The following PUM2 variants were observed in gnomAD, a reference collection of about 807,000 sequenced individuals.
PUM2 encodes the protein pumilio RNA binding family member 2, also known as pumilio homolog 2.
A neutral mutation model predicts 124.5 loss-of-function variants in PUM2; 57 were observed. The ratio of observed to expected loss-of-function variants is 0.46; its 90% CI spans 0.37 to 0.57. The LOEUF (loss-of-function observed/expected upper bound fraction) is 0.57, where lower values mean the gene tolerates loss of function less well. PUM2 is among the 20% of genes least tolerant of loss of function. The pLI is 0.00. For missense variants in PUM2, 1,065 were observed against 1,290.6 expected, an observed-to-expected ratio of 0.83 and a Z score of 2.68; for synonymous variants, 460 against 446.1, an observed-to-expected ratio of 1.03 and a Z score of -0.39.
chr2:20,318,797 G>C, intron 2 of PUM2, 152 bp from the exon 3 acceptor site: 1 of 517,354 alleles, frequency 1.9e-6, no homozygotes, highest in Non-Finnish European at 3.3e-6. Context: ...TTTGTTAATA[G>C]TAAATTAACT....
At chr2:20,259,267 T>G (rs913868898) in intron 15 of PUM2, among the ~76,000 whole-genome samples, 1 of 152,250 alleles carries the variant, frequency 6.6e-6, no homozygotes, top group Admixed American at 6.5e-5. Flanking sequence ...AAGTGGTTCA[T>G]GTTAAAATTT....
At chr2:20,253,570 C>G (rs1160656471) in intron 20 of PUM2, among the ~76,000 whole-genome samples, 1 of 151,082 alleles carries the variant, frequency 6.6e-6, no homozygotes, top group Non-Finnish European at 1.5e-5. Context: ...GTCTCAAACT[C>G]CTGGGCTCAA....
chr2:20,259,084 A>G (rs1485644267), intron 15 of PUM2, among the ~76,000 whole-genome samples: 1 of 152,266 alleles, frequency 6.6e-6, no homozygotes, highest in African/African-American at 2.4e-5. Flanking sequence ...TGTTAAAGTC[A>G]TTAAGCTACA....
chr2:20,340,995 C>A (rs1032122641), intron 1 of PUM2, among the ~76,000 whole-genome samples: 1 of 152,170 alleles, frequency 6.6e-6, no homozygotes, highest in African/African-American at 2.4e-5. Flanking sequence ...TCAAACTGAA[C>A]TTTTTGTTTA....
At chr2:20,347,081 T>C (rs1437568496) in intron 1 of PUM2, among the ~76,000 whole-genome samples, 1 of 152,170 alleles carries the variant, frequency 6.6e-6, no homozygotes, top group Non-Finnish European at 1.5e-5. Flanking sequence ...CTAAAATCTT[T>C]TATTCCTCCA....
rs751811982 is a variant in PUM2 at position 20,263,337 on chromosome 2, C to T, written c.2081G>A (p.Arg694Gln). ...AATATCAGACCTATTATACCGAAGC[C>T]GGGAAGGAGGAAAGAGCTGGCTGCT... ...SSSSQLFPPS[R>Q]LRYNRSDIMP... The change falls in exon 14 of 21, where the codon CGG becomes CAG. Residue 694 changes from arginine (R) to glutamine (Q), a missense_variant. Arg to Gln is a conservative substitution (Grantham distance 43). This residue lies in a region of PUM2 where 968 missense variants were observed against 1,159.8 expected (regional missense o/e 0.83). Transcript: ENST00000361078. The T allele has an allele frequency of 3.7e-6, 6 of 1,614,090 alleles. No homozygotes were observed. Among genetic ancestry groups the T allele is most frequent in the Middle Eastern group, 1.6e-4 (1 of 6,062 alleles).
At chr2:20,350,900 G>A, upstream of PUM2, 2 of 558,904 alleles carry the variant, frequency 3.6e-6, no homozygotes, top group Non-Finnish European at 4.5e-6. Context: ...GAGGGGGAGC[G>A]CTCACCAAGG....
intron 3 of PUM2, among the ~76,000 whole-genome samples, chr2:20,318,161 T>C (rs1489303213): frequency 3.3e-5 from 5 of 152,196 alleles, no homozygotes; most frequent in African/African-American, 4.8e-5. Context: ...TAGTAGTGTA[T>C]AAGTGGTCCT....
chr2:20,289,097 C>T (rs976344183), intron 10 of PUM2, among the ~76,000 whole-genome samples: 8 of 151,920 alleles, frequency 5.3e-5, no homozygotes, highest in African/African-American at 1.9e-4. Context: ...TCAAGACCAG[C>T]CGGCCAATAT....
chr2:20,307,207 C>A (rs927529112), intron 7 of PUM2, among the ~76,000 whole-genome samples: 7 of 151,932 alleles, frequency 4.6e-5, no homozygotes, highest in Admixed American at 2.0e-4. Context: ...GAGTGAGACT[C>A]TCTCTCCAAA....
chr2:20,311,375 A>T, intron 5 of PUM2, 119 bp downstream of exon 5: 1 of 1,188,074 alleles, frequency 8.4e-7, no homozygotes, highest in Non-Finnish European at 1.1e-6. Context: ...TGTCCAGATT[A>T]ACACAAAGTT....
chr2:20,262,704 C>G (rs1361547006), intron 14 of PUM2, among the ~76,000 whole-genome samples: 1 of 152,172 alleles, frequency 6.6e-6, no homozygotes, highest in Admixed American at 6.5e-5. Flanking sequence ...TCTAAGCTAT[C>G]TTTACAATGT....
At position 20,350,817 on chromosome 2, in the gene PUM2, T is replaced by C. The variant is rs962872701; in HGVS notation, c.-239A>G. ...TGAGACACAGAGACTCACAACAACA[T>C]GGCTGCCACCGCCGCCTGCCCTCCC... is the stretch of plus-strand genomic sequence containing the variant. On this transcript the variant is annotated 5_prime_UTR_variant, in exon 1 of 21. It removes an upstream start codon present in the reference 5' UTR. Coordinates refer to ENST00000361078, the MANE Select transcript of PUM2 (RefSeq NM_015317.5). The C allele has an allele frequency of 1.0e-4, 101 of 965,924 alleles. No individual in the cohort carries two copies. Among genetic ancestry groups the C allele is most frequent in the Admixed American group, 7.9e-4 (12 of 15,104 alleles). The allele number at this position is 965,924 out of a possible 1,614,324, so 59.8% of individuals were successfully genotyped here. A position where few individuals can be genotyped will look rare whatever the true frequency, so the allele number is the denominator to read the frequency against.
At chr2:20,264,397 T>TATATATATATA (rs1667167553) in intron 13 of PUM2, among the ~76,000 whole-genome samples, 3 of 108,396 alleles carry the variant, frequency 2.8e-5, no homozygotes, top group Non-Finnish European at 5.5e-5. Flanking sequence ...TATATATATA[T>TATATATATATA]TTGACATAAA....
intron 7 of PUM2, among the ~76,000 whole-genome samples, chr2:20,302,253 T>C (rs537491461): frequency 5.5e-4 from 84 of 152,300 alleles, no homozygotes; most frequent in African/African-American, 1.9e-3. Context: ...CATTTCTAGA[T>C]TATTTTCCAG....
rs534300172 is a variant in PUM2, at chr2:20,340,396, A to G, written c.-19+10201T>C. The stretch of plus-strand genomic sequence containing the variant: ...GATGGATCAGAGTTCTACCTTTCTC[A>G]GTACATATATGGTGAGGACCTGATA... On this transcript the variant is annotated intron_variant, in intron 1 of 20. Transcript: ENST00000361078. Among the ~76,000 whole-genome samples the G allele has an allele frequency of 2.6e-5, 4 of 152,338 alleles. No homozygotes were observed. In the East Asian group the frequency reaches 5.8e-4, roughly 22 times the overall value.
At chr2:20,318,360 G>C (rs1214068681) in intron 3 of PUM2, among the ~76,000 whole-genome samples, 177 bp downstream of exon 3, 2 of 152,072 alleles carry the variant, frequency 1.3e-5, no homozygotes, top group African/African-American at 4.8e-5. Context: ...CCAGCACTTT[G>C]GGAGGCCAAG....
intron 12 of PUM2, among the ~76,000 whole-genome samples, chr2:20,279,051 T>A (rs1466827587): frequency 6.6e-6 from 1 of 152,162 alleles, no homozygotes; most frequent in African/African-American, 2.4e-5. Context: ...TGATTCATTA[T>A]TTCACACATA....
intron 2 of PUM2, among the ~76,000 whole-genome samples, chr2:20,324,773 A>G (rs891759753): frequency 6.6e-6 from 1 of 152,200 alleles, no homozygotes; most frequent in African/African-American, 2.4e-5. Context: ...ATGGCTCAGT[A>G]AAGACATCAT....
Sources: gnomAD v4.1 joint callset for allele counts (sites outside exome capture counted in the v4.1 genomes callset) on GRCh38, gnomAD v4.1.1 for gene constraint, gnomAD v4.1.1 regional missense constraint, MANE v1.5 for transcripts, NCBI Gene and HGNC (gene_info 2026-07-23, HGNC 2026-07-21) for gene names.